DOCK3: variants seen among roughly 807,000 people sequenced by gnomAD.
DOCK3 encodes the protein dedicator of cytokinesis 3.
DOCK3 carries 60 observed loss-of-function variants against 265.6 expected under a neutral mutation model. That is an observed-to-expected ratio of 0.23 (90% confidence interval 0.18 to 0.28). DOCK3 has a LOEUF of 0.28. Ranked by LOEUF, DOCK3 falls within the 10% of genes least tolerant of loss-of-function variation. The probability of loss-of-function intolerance (pLI) is 1.00; values close to 1 mark genes in which losing one functional copy is unlikely to be tolerated. For synonymous variants in DOCK3, 881 were observed against 938.0 expected, an observed-to-expected ratio of 0.94 and a Z score of 1.11; for missense variants, 1,981 against 2,594.3, an observed-to-expected ratio of 0.76 and a Z score of 5.14.
intron 12 of DOCK3, among the ~76,000 whole-genome samples, chr3:51,176,724 A>G (rs1431248053): frequency 6.6e-6 from 1 of 152,236 alleles, no homozygotes; most frequent in East Asian, 1.9e-4. Context: ...CAGCTTTGTT[A>G]GCTGACTTAA....
chr3:51,197,662 T>C (rs1001308669), intron 12 of DOCK3, among the ~76,000 whole-genome samples: 25 of 152,090 alleles, frequency 1.6e-4, no homozygotes, highest in African/African-American at 6.0e-4. Flanking sequence ...GCTCAGACCT[T>C]CAAATGGTGA....
intron 3 of DOCK3, among the ~76,000 whole-genome samples, chr3:50,875,483 C>T (rs2047660443): frequency 6.6e-6 from 1 of 151,808 alleles, no homozygotes; most frequent in African/African-American, 2.4e-5. Flanking sequence ...CCTTCCATAC[C>T]CAGTTTGTTT....
intron 2 of DOCK3, among the ~76,000 whole-genome samples, chr3:50,802,124 G>GGTCT: frequency 6.6e-6 from 1 of 151,698 alleles, no homozygotes. Context: ...TATATCATAG[G>GGTCT]GTCTTTCTTT....
At chr3:50,948,755 A>G (rs1456874439) in intron 5 of DOCK3, among the ~76,000 whole-genome samples, 1 of 152,132 alleles carries the variant, frequency 6.6e-6, no homozygotes, top group Non-Finnish European at 1.5e-5. Context: ...TTGGGATTAC[A>G]GGCATGAGCC....
chr3:50,866,432 C>T (rs899970951), intron 3 of DOCK3, among the ~76,000 whole-genome samples: 4 of 151,082 alleles, frequency 2.6e-5, no homozygotes, highest in Non-Finnish European at 5.9e-5. Context: ...TTGTGGTTAG[C>T]TGAGATCATG....
chr3:50,850,637 T>C (rs1424795005), intron 3 of DOCK3, among the ~76,000 whole-genome samples: 2 of 152,218 alleles, frequency 1.3e-5, no homozygotes, highest in African/African-American at 4.8e-5. Flanking sequence ...AAAATTATTT[T>C]TGTGTGAATA....
chr3:50,882,065 A>G (rs144106491), intron 3 of DOCK3, among the ~76,000 whole-genome samples: 10 of 152,128 alleles, frequency 6.6e-5, no homozygotes, highest in African/African-American at 9.7e-5. Context: ...CTAGCCATAC[A>G]TAGAAAGCTG....
chr3:50,785,504 T>C (rs2042134916), intron 2 of DOCK3, among the ~76,000 whole-genome samples: 1 of 152,250 alleles, frequency 6.6e-6, no homozygotes, highest in African/African-American at 2.4e-5. Flanking sequence ...CCAATTTTGC[T>C]GAGGGTTTTA....
intron 23 of DOCK3, among the ~76,000 whole-genome samples, chr3:51,267,292 T>C (rs1388895010): frequency 6.6e-6 from 1 of 152,122 alleles, no homozygotes; most frequent in Non-Finnish European, 1.5e-5. Flanking sequence ...TAGAAATACA[T>C]GTGACCCAGC....
chr3:51,003,102 C>G (rs1342441456), intron 5 of DOCK3, among the ~76,000 whole-genome samples: 1 of 152,154 alleles, frequency 6.6e-6, no homozygotes, highest in East Asian at 1.9e-4. Context: ...TTCAGATAGC[C>G]AGAATCTCTT....
chr3:51,343,815 G>A (rs1248089696), intron 38 of DOCK3, among the ~76,000 whole-genome samples: 1 of 152,170 alleles, frequency 6.6e-6, no homozygotes, highest in Admixed American at 6.5e-5. Flanking sequence ...AAGAGGATTA[G>A]CCATGGCTAA....
At chr3:50,877,824 C>G (rs2047790491) in intron 3 of DOCK3, among the ~76,000 whole-genome samples, 1 of 152,212 alleles carries the variant, frequency 6.6e-6, no homozygotes, top group Admixed American at 6.5e-5. Flanking sequence ...CAGGCCTGCA[C>G]CACCACGCCT....
chr3:50,724,415 G>A (rs1371283328), intron 1 of DOCK3, among the ~76,000 whole-genome samples: 9 of 152,102 alleles, frequency 5.9e-5, no homozygotes, highest in Non-Finnish European at 1.2e-4. Context: ...AGCACTTTTC[G>A]CAATAGCAAA....
chr3:51,361,763 G>A lies in DOCK3; in HGVS notation c.5007-96G>A. 6.7e-7 allele frequency: 1 copy of A among 1,483,416 alleles called. No individual in the cohort carries two copies. Among genetic ancestry groups the A allele is most frequent in the African/African-American group, 1.4e-5 (1 of 71,940 alleles). 91.9% of individuals were successfully genotyped at this position (1,483,416 alleles called of 1,614,324 possible). On this transcript the variant is annotated intron_variant, in intron 47 of 52. Transcript: ENST00000266037. This position sits in a 1 kb window ranked among gnomAD's most constrained non-coding sequence, Gnocchi z 4.2. ...GGAACCCTCCAAACCGGTGGTAGCT[G>A]AAACCAGGGATGACTATTCCACACA... is the stretch of plus-strand genomic sequence containing the variant.
At chr3:50,765,855 G>A (rs145397766) in intron 1 of DOCK3, among the ~76,000 whole-genome samples, 25 of 152,216 alleles carry the variant, frequency 1.6e-4, no homozygotes, top group South Asian at 6.2e-4. Context: ...TAGAACACCA[G>A]AATGTATTCC....
At position 51,374,839 on chromosome 3, in the gene DOCK3, C is replaced by G. The variant is rs2087973861; in HGVS notation, c.5412+252C>G. On this transcript the variant is annotated intron_variant, in intron 50 of 52. Coordinates refer to ENST00000266037, the MANE Select transcript of DOCK3 (RefSeq NM_004947.5). This position sits in a 1 kb window ranked among gnomAD's most constrained non-coding sequence, Gnocchi z 4.8. ...GAACCAGCATTGCTCATGTAGCTAT[C>G]TGTCCTTCCCGCCAGATCCTGGACT... is the stretch of plus-strand genomic sequence containing the variant. 6.6e-6 allele frequency among the ~76,000 whole-genome samples: 1 copy of G among 152,228 alleles called. No homozygotes were observed. The highest frequency in any genetic ancestry group is 2.4e-5 in the African/African-American group (1 of 41,468).
intron 3 of DOCK3, among the ~76,000 whole-genome samples, chr3:50,873,229 A>G (rs911809426): frequency 6.6e-6 from 1 of 152,158 alleles, no homozygotes; most frequent in Non-Finnish European, 1.5e-5. Flanking sequence ...TCAGGGCCCC[A>G]GGGGCTCTTT....
rs556854475 is a variant in DOCK3, at chr3:51,020,118, A to G, written c.316-44330A>G. ...GTAAAAACATTCGTTTTTCTCTGCA[A>G]CCTCGCCAGCATCTGTTGTTTTTTG... On this transcript the variant is annotated intron_variant, in intron 5 of 52. Coordinates refer to ENST00000266037, the MANE Select transcript of DOCK3 (RefSeq NM_004947.5). Among the ~76,000 whole-genome samples, 83 of 151,882 alleles carry G rather than the reference A, an allele frequency of 5.5e-4. 1 individual carries two copies. The highest frequency in any genetic ancestry group is 1.9e-3 in the African/African-American group (78 of 41,240).
At chr3:50,834,374 A>G (rs148154975) in intron 2 of DOCK3, among the ~76,000 whole-genome samples, 3 of 152,284 alleles carry the variant, frequency 2.0e-5, no homozygotes, top group East Asian at 3.9e-4. Flanking sequence ...CTTCTGTGGC[A>G]TACAACAATT....
Sources: gnomAD v4.1 joint callset for allele counts (sites outside exome capture counted in the v4.1 genomes callset) on GRCh38, gnomAD v4.1.1 for gene constraint, Gnocchi (gnomAD v3.1) non-coding constraint, MANE v1.5 for transcripts, NCBI Gene and HGNC (gene_info 2026-07-23, HGNC 2026-07-21) for gene names.